The following MYO16 variants were observed in gnomAD, a reference collection of about 807,000 sequenced individuals.
MYO16 encodes myosin XVI.
In MYO16, 94 loss-of-function variants were observed where a neutral mutation model predicts 205.3. The observed-to-expected ratio is 0.46, with a 90% CI of 0.39 to 0.54. MYO16 has a LOEUF of 0.54. Among genes scored for constraint, MYO16 ranks in the 20% least tolerant of loss-of-function variants. MYO16 has a pLI of 0.00. For synonymous variants in MYO16, 988 were observed against 954.0 expected, an observed-to-expected ratio of 1.04 and a Z score of -0.66; for missense variants, 2,315 against 2,387.5, an observed-to-expected ratio of 0.97 and a Z score of 0.63.
chr13:108,911,871 A>G (rs553016455), intron 16 of MYO16, among the ~76,000 whole-genome samples: 3 of 152,340 alleles, frequency 2.0e-5, no homozygotes, highest in South Asian at 4.1e-4. Flanking sequence ...GATGCACTGA[A>G]CAAGGGATAT....
chr13:108,584,406 T>C, the MYO16 span, among the ~76,000 whole-genome samples: 2 of 152,248 alleles, frequency 1.3e-5, no homozygotes, highest in African/African-American at 4.8e-5. Context: ...TTTTGATACA[T>C]GCATGCAATG....
chr13:108,824,986 A>G (rs1025321414), intron 9 of MYO16, among the ~76,000 whole-genome samples: 11 of 152,132 alleles, frequency 7.2e-5, no homozygotes, highest in Non-Finnish European at 1.6e-4. Context: ...ATGTTTAAAG[A>G]ATTAACGCCA....
At chr13:108,663,690 G>T (rs945589300) in intron 1 of MYO16, among the ~76,000 whole-genome samples, 4 of 152,160 alleles carry the variant, frequency 2.6e-5, no homozygotes, top group African/African-American at 9.7e-5. Flanking sequence ...TTTTTTAAAA[G>T]TTAATTGAAA....
intron 32 of MYO16, among the ~76,000 whole-genome samples, chr13:109,160,496 C>G (rs1364613996): frequency 6.6e-6 from 1 of 152,064 alleles, no homozygotes; most frequent in African/African-American, 2.4e-5. Flanking sequence ...TGTTAATAGG[C>G]CAAAAGAAAA....
At chr13:108,736,465 G>A (rs1884703838) in intron 4 of MYO16, among the ~76,000 whole-genome samples, 1 of 152,034 alleles carries the variant, frequency 6.6e-6, no homozygotes, top group African/African-American at 2.4e-5. Context: ...GATGTGTGGT[G>A]TTATTTCTGA....
At chr13:109,173,083 G>A (rs1358488944) in intron 33 of MYO16, among the ~76,000 whole-genome samples, 7 of 152,154 alleles carry the variant, frequency 4.6e-5, no homozygotes, top group Non-Finnish European at 8.8e-5. Context: ...CTAGGTTGGA[G>A]GATTCAAAAT....
intron 32 of MYO16, among the ~76,000 whole-genome samples, chr13:109,151,029 A>G (rs1184744378): frequency 6.6e-6 from 1 of 152,222 alleles, no homozygotes; most frequent in Admixed American, 6.5e-5. Context: ...CTAAAGAGAG[A>G]CTGGGCAGGT....
At chr13:108,792,143 T>C (rs1300907670) in intron 5 of MYO16, among the ~76,000 whole-genome samples, 1 of 152,208 alleles carries the variant, frequency 6.6e-6, no homozygotes, top group African/African-American at 2.4e-5. Context: ...TGAAACATCA[T>C]GAAACTTCAG....
intron 4 of MYO16, among the ~76,000 whole-genome samples, chr13:108,765,860 A>AT (rs1309004017): frequency 6.6e-6 from 1 of 152,160 alleles, no homozygotes; most frequent in Admixed American, 6.5e-5. Flanking sequence ...TCCTGAGGTC[A>AT]TAAGTACTGA....
chr13:109,032,919 A>G (rs927599679), intron 23 of MYO16, among the ~76,000 whole-genome samples: 2 of 152,192 alleles, frequency 1.3e-5, no homozygotes, highest in African/African-American at 2.4e-5. Context: ...TAGCCTGTGC[A>G]AGCTTCAGAA....
rs183829134 is a variant in MYO16, at chr13:108,663,901, G to A, written c.29-1985G>A. ...AGCCAGAAAAGTCACAGAAGTCAAA[G>A]TGTCACAAGTATCAAAGTCAATCAA... On this transcript the variant is annotated intron_variant, in intron 1 of 34. Transcript: ENST00000457511. Among the ~76,000 whole-genome samples, 329 of 152,296 alleles carry A rather than the reference G, an allele frequency of 2.2e-3. 3 individuals carry two copies. The highest frequency in any genetic ancestry group is 7.5e-3 in the African/African-American group (311 of 41,570).
chr13:108,961,077 T>G (rs897014423), intron 17 of MYO16, among the ~76,000 whole-genome samples: 6 of 152,144 alleles, frequency 3.9e-5, no homozygotes, highest in Admixed American at 3.9e-4. Flanking sequence ...ATAAGAGAGA[T>G]AGCGAAGAAA....
chr13:108,689,489 A>G (rs1337405405), intron 2 of MYO16, among the ~76,000 whole-genome samples: 2 of 152,160 alleles, frequency 1.3e-5, no homozygotes, highest in Non-Finnish European at 2.9e-5. Flanking sequence ...TAATAGTTAA[A>G]TCATTTTACT....
chr13:108,633,055 G>A (rs1880059441), intron 1 of MYO16, among the ~76,000 whole-genome samples: 2 of 152,088 alleles, frequency 1.3e-5, no homozygotes, highest in African/African-American at 2.4e-5. Context: ...ATACGGGTTT[G>A]GGGCAGCATT....
chr13:109,140,579 A>G lies in MYO16; in HGVS notation c.4367A>G (p.Glu1456Gly). The G allele has an allele frequency of 6.5e-7, 1 of 1,532,880 alleles. No homozygotes were observed. The highest frequency in any genetic ancestry group is 2.0e-5 in the Admixed American group (1 of 50,558). The allele number at this position is 1,532,880 out of a possible 1,614,324, so 95.0% of individuals were successfully genotyped here. The change falls in exon 32 of 35, where the codon GAG becomes GGG. Residue 1456 changes from glutamate to glycine, a missense_variant. Coordinates refer to ENST00000457511, the MANE Select transcript of MYO16 (RefSeq NM_001198950.3). The surrounding 1 kb of genome is among the most constrained non-coding windows in gnomAD (Gnocchi z 8.0). ...SPDPGESVYE[E>G]MKCCLPDDGG... ...GACCCCGGGGAGTCCGTGTACGAGG[A>G]GATGAAGTGTTGCCTGCCCGACGAC...
chr13:109,130,362 A>T (rs2139782559), intron 31 of MYO16, among the ~76,000 whole-genome samples: 1 of 152,290 alleles, frequency 6.6e-6, no homozygotes, highest in African/African-American at 2.4e-5. Context: ...CATCTACATT[A>T]TCTGTTCTTT....
chr13:108,784,533 G>C (rs778971574), intron 4 of MYO16, among the ~76,000 whole-genome samples: 2 of 151,996 alleles, frequency 1.3e-5, no homozygotes, highest in Admixed American at 6.5e-5. Flanking sequence ...AATATATTTA[G>C]AGCCGTTCTT....
intron 16 of MYO16, among the ~76,000 whole-genome samples, chr13:108,939,758 C>A (rs1312279313): frequency 6.6e-6 from 1 of 152,110 alleles, no homozygotes; most frequent in Non-Finnish European, 1.5e-5. Context: ...ACACATTTAT[C>A]AGAGAAAAGT....
At chr13:108,626,422 A>G (rs1879738707), upstream of MYO16, among the ~76,000 whole-genome samples, 1 of 152,192 alleles carries the variant, frequency 6.6e-6, no homozygotes, top group Non-Finnish European at 1.5e-5. Flanking sequence ...CTTAATGACC[A>G]TATTCTGCAA....
Sources: gnomAD v4.1 joint callset for allele counts (sites outside exome capture counted in the v4.1 genomes callset) on GRCh38, gnomAD v4.1.1 for gene constraint, Gnocchi (gnomAD v3.1) non-coding constraint, MANE v1.5 for transcripts, NCBI Gene and HGNC (gene_info 2026-07-23, HGNC 2026-07-21) for gene names.